The following ALK variants were observed in gnomAD, a reference collection of about 807,000 sequenced individuals.
The protein encoded by ALK is ALK tyrosine kinase receptor.
A neutral mutation model predicts 163.1 loss-of-function variants in ALK; 74 were observed. The ratio of observed to expected loss-of-function variants is 0.45; its 90% CI spans 0.38 to 0.55. The LOEUF is 0.55. Among genes scored for constraint, ALK ranks in the 20% least tolerant of loss-of-function variants. The pLI, the probability that ALK is intolerant of heterozygous loss-of-function variation, is 0.00. For missense variants in ALK, 2,063 were observed against 2,105.3 expected (o/e 0.98, Z 0.39); for synonymous variants, 960 against 843.2 (o/e 1.14, Z -2.40).
At chr2:29,849,154 C>T (rs540800535) in intron 1 of ALK, among the ~76,000 whole-genome samples, 4 of 152,308 alleles carry the variant, frequency 2.6e-5, no homozygotes, top group Non-Finnish European at 5.9e-5. Context: ...CCCACTCGGG[C>T]CCCTCCTCCT....
intron 3 of ALK, among the ~76,000 whole-genome samples, chr2:29,562,884 G>C (rs1237909555): frequency 6.6e-6 from 1 of 152,166 alleles, no homozygotes; most frequent in Non-Finnish European, 1.5e-5. Context: ...GAAAGGATTG[G>C]GTCTATCTTA....
chr2:29,227,623 C>T lies in ALK; in HGVS notation c.2865G>A (p.Gly955=), dbSNP rs185776406. The change falls in exon 17 of 29, where the codon GGG becomes GGA. Residue 955 remains glycine (G), a synonymous_variant. Coordinates refer to ENST00000389048, the MANE Select transcript of ALK (RefSeq NM_004304.5). This position sits in a 1 kb window ranked among gnomAD's most constrained non-coding sequence, Gnocchi z 4.4. ...NNDPEMDGED[G]VSFISPLGIL... Reference sequence around the variant, plus strand: ...TGCCCAGTGGACTGATGAAGGAAACCCCATCTTCCCCATCCATTTCGGGGT... The same window carrying T: ...TGCCCAGTGGACTGATGAAGGAAACTCCATCTTCCCCATCCATTTCGGGGT... The T allele has an allele frequency of 2.5e-6, 4 of 1,614,050 alleles. No homozygotes were observed. In the African/African-American group the frequency reaches 4.0e-5, roughly 16 times the overall value.
intron 4 of ALK, among the ~76,000 whole-genome samples, chr2:29,480,960 C>T (rs1671647297): frequency 6.6e-6 from 1 of 152,120 alleles, no homozygotes; most frequent in African/African-American, 2.4e-5. Flanking sequence ...GGTTGCTGGT[C>T]CAGGGACCAC....
chr2:29,708,098 C>T (rs980321524), intron 2 of ALK, among the ~76,000 whole-genome samples: 19 of 152,176 alleles, frequency 1.2e-4, no homozygotes, highest in Non-Finnish European at 2.5e-4. Flanking sequence ...GATAGAGTTT[C>T]GCTCTGTCAC....
intron 3 of ALK, among the ~76,000 whole-genome samples, chr2:29,647,747 A>C (rs1676920980): frequency 6.6e-6 from 1 of 150,498 alleles, no homozygotes; most frequent in African/African-American, 2.5e-5. Context: ...CTACCATAGT[A>C]ATCCATGCAC....
Position 29,228,924 on chromosome 2 carries a change from T to TA in ALK, c.2774_2775insT (p.Gly926ArgfsTer22). On this transcript the variant is annotated frameshift_variant, in exon 16 of 29. Transcript: ENST00000389048. LOFTEE classifies it high-confidence loss of function. Reference sequence around the variant, plus strand: ...CTCCTCCACCTGAGGAGCACCCCCCTCCACCCCCTCCGAAACCCCCTCTTG... The same window carrying TA: ...CTCCTCCACCTGAGGAGCACCCCCCTACCACCCCCTCCGAAACCCCCTCTTG... 1 of 541,058 alleles carries TA rather than the reference T, an allele frequency of 1.8e-6. No homozygotes were observed. Among genetic ancestry groups the TA allele is most frequent in the Non-Finnish European group, 2.8e-6 (1 of 359,748 alleles). The allele number at this position is 541,058 out of a possible 1,614,324, so 33.5% of individuals were successfully genotyped here.
intron 25 of ALK, chr2:29,208,171 G>T: frequency 2.5e-6 from 1 of 400,824 alleles, no homozygotes; most frequent in South Asian, 1.7e-5. Flanking sequence ...GCAAGGCTCA[G>T]TGACACAAAT....
chr2:29,841,220 C>T (rs1665690673), intron 1 of ALK, among the ~76,000 whole-genome samples: 1 of 152,088 alleles, frequency 6.6e-6, no homozygotes, highest in African/African-American at 2.4e-5. Context: ...CAAAATAATG[C>T]CTAGAGATAT....
chr2:29,511,703 T>A (rs2148140847), intron 4 of ALK, among the ~76,000 whole-genome samples: 1 of 152,336 alleles, frequency 6.6e-6, no homozygotes, highest in Non-Finnish European at 1.5e-5. Context: ...GTCTAGTTTT[T>A]AAAGAAATGT....
Position 29,455,929 on chromosome 2 carries a change from G to T in ALK, c.1155-72070C>A, listed in dbSNP as rs188004442. Among the ~76,000 whole-genome samples, 180 of 152,252 alleles carry T rather than the reference G, an allele frequency of 1.2e-3. 1 individual carries two copies. The highest frequency in any genetic ancestry group is 3.9e-3 in the African/African-American group (160 of 41,526). The stretch of plus-strand genomic sequence containing the variant: ...GGTCCCTGCACTCCTAGCATTGTGG[G>T]GGTGCAAGGAACACAGCCATAAGTT... On this transcript the variant is annotated intron_variant, in intron 4 of 28. Coordinates refer to ENST00000389048, the MANE Select transcript of ALK (RefSeq NM_004304.5).
At chr2:29,619,632 C>T (rs1675969917) in intron 3 of ALK, among the ~76,000 whole-genome samples, 1 of 152,204 alleles carries the variant, frequency 6.6e-6, no homozygotes, top group Non-Finnish European at 1.5e-5. Context: ...GCTTTGTGGA[C>T]AGGACTGAGA....
intron 3 of ALK, among the ~76,000 whole-genome samples, chr2:29,684,012 A>G (rs1425562323): frequency 6.6e-6 from 1 of 152,320 alleles, no homozygotes; most frequent in East Asian, 1.9e-4. Flanking sequence ...TTGAATGAGT[A>G]AAGATTATCT....
At chr2:29,652,823 CCA>C (rs1677073663) in intron 3 of ALK, among the ~76,000 whole-genome samples, 1 of 152,086 alleles carries the variant, frequency 6.6e-6, no homozygotes, top group Non-Finnish European at 1.5e-5. Flanking sequence ...CATGGGAGCA[CCA>C]CACCCCTTCC....
At chr2:29,840,222 G>A (rs1487117810) in intron 1 of ALK, among the ~76,000 whole-genome samples, 1 of 152,170 alleles carries the variant, frequency 6.6e-6, no homozygotes, top group Non-Finnish European at 1.5e-5. Context: ...TGTGCCTTGA[G>A]GGAAGGGGCA....
intron 1 of ALK, among the ~76,000 whole-genome samples, chr2:29,736,624 T>G (rs4359599): frequency 0.13 from 19,225 of 152,006 alleles, 2,908 homozygotes; most frequent in African/African-American, 0.36. Context: ...TATACACTCT[T>G]GAATTTCTAC....
chr2:29,674,503 C>G (rs1236980594), intron 3 of ALK, among the ~76,000 whole-genome samples: 3 of 148,670 alleles, frequency 2.0e-5, no homozygotes, highest in African/African-American at 7.4e-5. Flanking sequence ...ATTGAACCAG[C>G]CTTGCATCCC....
rs79726463 is a variant in ALK, at chr2:29,234,039, G to A, written c.2356-343C>T. Among the ~76,000 whole-genome samples, 951 of 152,168 alleles carry A rather than the reference G, an allele frequency of 6.2e-3. 7 individuals are homozygous for A. Among genetic ancestry groups the A allele is most frequent in the African/African-American group, 0.022 (905 of 41,496 alleles). ...TTTTTTTCACAGAGAGTGGGGCAAA[G>A]TTATGTCATTCCAAGAGCAGAGAGT... On this transcript the variant is annotated intron_variant, in intron 13 of 28. Coordinates refer to ENST00000389048, the MANE Select transcript of ALK (RefSeq NM_004304.5).
intron 1 of ALK, among the ~76,000 whole-genome samples, chr2:29,736,099 G>A (rs945807930): frequency 2.6e-5 from 4 of 152,030 alleles, no homozygotes; most frequent in African/African-American, 9.7e-5. Context: ...TACTATTAAT[G>A]ATCAAACTCT....
At chr2:29,485,317 T>C (rs1671754003) in intron 4 of ALK, among the ~76,000 whole-genome samples, 1 of 152,254 alleles carries the variant, frequency 6.6e-6, no homozygotes, top group South Asian at 2.1e-4. Flanking sequence ...TCTTATCTGC[T>C]GAGCTGACAC....
Sources: gnomAD v4.1 joint callset for allele counts (sites outside exome capture counted in the v4.1 genomes callset) on GRCh38, gnomAD v4.1.1 for gene constraint, Gnocchi (gnomAD v3.1) non-coding constraint, MANE v1.5 for transcripts, NCBI Gene and HGNC (gene_info 2026-07-23, HGNC 2026-07-21) for gene names.